XYLT1: variants seen among roughly 807,000 people sequenced by gnomAD.
The protein encoded by XYLT1 is xylosyltransferase 1, also known as beta-D-xylosyltransferase 1.
Under a neutral mutation model 91.3 loss-of-function variants are expected in XYLT1, and 36 were observed. The observed-to-expected ratio is 0.39, with a 90% confidence interval of 0.30 to 0.52. The LOEUF (loss-of-function observed/expected upper bound fraction) is 0.52. XYLT1 is among the 20% of genes least tolerant of loss of function. The probability of loss-of-function intolerance (pLI) is 0.68; values close to 1 mark genes in which losing one functional copy is unlikely to be tolerated. For missense variants in XYLT1, 1,242 were observed against 1,284.5 expected (o/e 0.97, Z 0.51); for synonymous variants, 588 against 532.0 (o/e 1.11, Z -1.45).
chr16:17,208,601 A>C (rs2032700490), intron 3 of XYLT1, among the ~76,000 whole-genome samples: 1 of 152,364 alleles, frequency 6.6e-6, no homozygotes, highest in South Asian at 2.1e-4. Flanking sequence ...AGTTGCATTA[A>C]GCATTTATGT....
intron 2 of XYLT1, among the ~76,000 whole-genome samples, chr16:17,288,618 G>C (rs1201084515): frequency 6.6e-6 from 1 of 152,118 alleles, no homozygotes; most frequent in East Asian, 1.9e-4. Context: ...GACCTGCTTT[G>C]GCCAAAAGAA....
intron 3 of XYLT1, among the ~76,000 whole-genome samples, chr16:17,205,759 C>T (rs1386091777): frequency 6.6e-6 from 1 of 152,198 alleles, no homozygotes; most frequent in African/African-American, 2.4e-5. Context: ...CGGAATTTCC[C>T]TCTGCAGCGT....
At chr16:17,206,432 T>C (rs2032646102) in intron 3 of XYLT1, among the ~76,000 whole-genome samples, 2 of 152,094 alleles carry the variant, frequency 1.3e-5, no homozygotes, top group Non-Finnish European at 1.5e-5. Flanking sequence ...ACAAGCATAC[T>C]GGATAAAGAG....
intron 1 of XYLT1, among the ~76,000 whole-genome samples, chr16:17,449,601 T>G (rs1455053735): frequency 6.6e-6 from 1 of 152,214 alleles, no homozygotes; most frequent in Non-Finnish European, 1.5e-5. Context: ...CATAAAACAG[T>G]GACTCTGACA....
chr16:17,320,664 T>C (rs2034703623), intron 2 of XYLT1, among the ~76,000 whole-genome samples: 1 of 151,382 alleles, frequency 6.6e-6, no homozygotes, highest in Admixed American at 6.6e-5. Context: ...GTATTTTTAG[T>C]ATAGACGCGG....
At chr16:17,442,636 A>G (rs1204387279) in intron 1 of XYLT1, among the ~76,000 whole-genome samples, 3 of 152,148 alleles carry the variant, frequency 2.0e-5, no homozygotes, top group Non-Finnish European at 4.4e-5. Context: ...CAATGAGCCC[A>G]TGGATTCCCC....
chr16:17,410,618 A>G (rs1490704363), intron 1 of XYLT1, among the ~76,000 whole-genome samples: 1 of 151,140 alleles, frequency 6.6e-6, no homozygotes, highest in Non-Finnish European at 1.5e-5. Flanking sequence ...GGGTGGGGAC[A>G]CAGCCAAACC....
chr16:17,190,149 G>C (rs2141578349), intron 5 of XYLT1, among the ~76,000 whole-genome samples: 1 of 152,326 alleles, frequency 6.6e-6, no homozygotes, highest in South Asian at 2.1e-4. Flanking sequence ...TCTGGGAAGT[G>C]ACTGCTTAAT....
intron 2 of XYLT1, among the ~76,000 whole-genome samples, chr16:17,320,769 C>T (rs1229969388): frequency 6.6e-6 from 1 of 151,596 alleles, no homozygotes; most frequent in Non-Finnish European, 1.5e-5. Flanking sequence ...TATGAGCCAC[C>T]GCATCTGGCC....
chr16:17,328,609 G>C (rs1399922156), intron 2 of XYLT1, among the ~76,000 whole-genome samples: 1 of 132,790 alleles, frequency 7.5e-6, no homozygotes, highest in Non-Finnish European at 1.6e-5. Flanking sequence ...GGCAAGAAAT[G>C]CAAGAGCAGA....
At chr16:17,328,398 A>T (rs1368788939) in intron 2 of XYLT1, among the ~76,000 whole-genome samples, 1 of 151,780 alleles carries the variant, frequency 6.6e-6, no homozygotes, top group Non-Finnish European at 1.5e-5. Flanking sequence ...AATACAAAAA[A>T]ATTAGCCAGG....
chr16:17,340,035 ATT>A (rs2035043731), intron 2 of XYLT1, among the ~76,000 whole-genome samples: 3 of 151,278 alleles, frequency 2.0e-5, no homozygotes, highest in Non-Finnish European at 1.5e-5. Flanking sequence ...CCATCCACCC[ATT>A]CGTCCACCCA....
chr16:17,383,614 C>A (rs990961663), intron 1 of XYLT1, among the ~76,000 whole-genome samples: 5 of 151,874 alleles, frequency 3.3e-5, no homozygotes, highest in Non-Finnish European at 5.9e-5. Flanking sequence ...ATTTTAAGAG[C>A]TGAATCAAGA....
At chr16:17,302,174 C>T (rs2034404719) in intron 2 of XYLT1, among the ~76,000 whole-genome samples, 2 of 152,072 alleles carry the variant, frequency 1.3e-5, no homozygotes, top group Admixed American at 1.3e-4. Flanking sequence ...CACTGCACTC[C>T]AGCCTGGGTG....
intron 5 of XYLT1, among the ~76,000 whole-genome samples, chr16:17,184,068 C>A (rs2032126981): frequency 6.6e-6 from 1 of 152,102 alleles, no homozygotes; most frequent in South Asian, 2.1e-4. Flanking sequence ...ATAAAGACCA[C>A]CCACATTGTA....
At chr16:17,396,100 T>A (rs2035882123) in intron 1 of XYLT1, among the ~76,000 whole-genome samples, 1 of 152,174 alleles carries the variant, frequency 6.6e-6, no homozygotes, top group Non-Finnish European at 1.5e-5. Flanking sequence ...GGAAAGTTTG[T>A]CCCAGGCAGA....
intron 1 of XYLT1, among the ~76,000 whole-genome samples, chr16:17,368,147 A>G (rs2035478818): frequency 1.3e-5 from 2 of 152,258 alleles, no homozygotes; most frequent in South Asian, 2.1e-4. Context: ...CGGGGGGCGG[A>G]AAAAACGATC....
chr16:17,165,150 T>C (rs1447669539), intron 5 of XYLT1, among the ~76,000 whole-genome samples: 1 of 152,196 alleles, frequency 6.6e-6, no homozygotes, highest in East Asian at 1.9e-4. Flanking sequence ...ATACCAGCAA[T>C]AGCAACATCA....
chr16:17,362,788 G>A (rs894929841), intron 1 of XYLT1, among the ~76,000 whole-genome samples: 1 of 152,236 alleles, frequency 6.6e-6, no homozygotes, highest in African/African-American at 2.4e-5. Flanking sequence ...TCAGAAGACA[G>A]TGCTTGTTCT....
Sources: allele counts gnomAD v4.1 joint callset (sites outside exome capture counted in the v4.1 genomes callset), GRCh38; gene constraint gnomAD v4.1.1; transcripts MANE v1.5; gene names NCBI Gene and HGNC (gene_info 2026-07-23, HGNC 2026-07-21).